Variants in RBPJ observed in about 807,000 individuals in gnomAD.
RBPJ encodes the protein recombination signal binding protein for immunoglobulin kappa J region.
A neutral mutation model predicts 67.8 loss-of-function variants in RBPJ; 9 were observed. The ratio of observed to expected loss-of-function variants is 0.13; its 90% confidence interval spans 0.08 to 0.23. RBPJ has a LOEUF of 0.23. Ranked by LOEUF, RBPJ falls within the 10% of genes least tolerant of loss-of-function variation. The pLI is 1.00. For missense variants in RBPJ, 305 were observed against 595.6 expected, an observed-to-expected ratio of 0.51 and a Z score of 5.08; for synonymous variants, 198 against 203.3, an observed-to-expected ratio of 0.97 and a Z score of 0.22.
In RBPJ at chr4:26,393,799, T is replaced by C. The variant is rs147963766; in HGVS notation, c.59+7408T>C. On this transcript the variant is annotated intron_variant, in intron 2 of 10. Coordinates refer to ENST00000355476, the MANE Select transcript of RBPJ (RefSeq NM_015874.6). ...AATATTTTAACATTTTTTCTCTCCA[T>C]TGGGGTGCAGAGAGTTTAAAATTGG... is the stretch of plus-strand genomic sequence containing the variant. 7.6e-4 allele frequency among the ~76,000 whole-genome samples: 116 copies of C among 152,230 alleles called. 2 individuals are homozygous for C. The East Asian group carries it at 0.02, about 26-fold the overall frequency.
At chr4:26,210,747 C>CT (rs1718379386) in intron 1 of RBPJ, among the ~76,000 whole-genome samples, 1 of 123,244 alleles carries the variant, frequency 8.1e-6, no homozygotes, top group South Asian at 2.8e-4. Flanking sequence ...TTCTTTCCTT[C>CT]TTTCCTTCTT....
chr4:26,249,191 T>A (rs893775504), intron 1 of RBPJ, among the ~76,000 whole-genome samples: 5 of 152,206 alleles, frequency 3.3e-5, no homozygotes, highest in African/African-American at 4.8e-5. Flanking sequence ...ATGACTTTTT[T>A]AAGAAGTCTC....
At chr4:26,343,205 A>G (rs1725730268) in intron 1 of RBPJ, 1 of 152,178 alleles carries the variant, frequency 6.6e-6, no homozygotes, top group African/African-American at 2.4e-5. Flanking sequence ...GACGGCACAA[A>G]CTGAGAGTTT....
At chr4:26,192,809 G>T (rs541951584) in intron 1 of RBPJ, among the ~76,000 whole-genome samples, 2 of 152,224 alleles carry the variant, frequency 1.3e-5, no homozygotes, top group African/African-American at 2.4e-5. Flanking sequence ...TAATAGGCAG[G>T]ATAACAGCCC....
At chr4:26,301,690 A>C (rs1025888807) in intron 1 of RBPJ, among the ~76,000 whole-genome samples, 1 of 152,192 alleles carries the variant, frequency 6.6e-6, no homozygotes, top group Non-Finnish European at 1.5e-5. Context: ...TTTCAATAAA[A>C]AGCAGTTTTG....
At chr4:26,249,676 A>G (rs1720036900) in intron 1 of RBPJ, among the ~76,000 whole-genome samples, 1 of 152,172 alleles carries the variant, frequency 6.6e-6, no homozygotes, top group African/African-American at 2.4e-5. Context: ...CACAAAAAGT[A>G]ATGGCAAAAA....
chr4:26,223,635 C>G (rs903158415), intron 1 of RBPJ, among the ~76,000 whole-genome samples: 1 of 152,184 alleles, frequency 6.6e-6, no homozygotes, highest in Non-Finnish European at 1.5e-5. Flanking sequence ...GCTGGGCTGG[C>G]TGACCAAGGG....
chr4:26,320,714 C>T (rs1490334629), upstream of RBPJ: 35 of 1,544,262 alleles, frequency 2.3e-5, no homozygotes, highest in African/African-American at 2.7e-5. Flanking sequence ...CACGTACGTC[C>T]CTCAAAGCGC....
intron 4 of RBPJ, among the ~76,000 whole-genome samples, chr4:26,417,989 T>TA (rs754052097): frequency 6.6e-6 from 1 of 152,234 alleles, no homozygotes; most frequent in Non-Finnish European, 1.5e-5. Context: ...TTTAATTTGT[T>TA]AAAAAAATTT....
At chr4:26,191,253 A>G (rs1560204267) in intron 1 of RBPJ, among the ~76,000 whole-genome samples, 3 of 131,884 alleles carry the variant, frequency 2.3e-5, no homozygotes, top group African/African-American at 9.0e-5. Flanking sequence ...AGAGAGAGAG[A>G]GAGGGAGAGA....
chr4:26,317,462 A>AG (rs898167031), upstream of RBPJ, among the ~76,000 whole-genome samples: 4 of 152,048 alleles, frequency 2.6e-5, no homozygotes, highest in Admixed American at 6.6e-5. Flanking sequence ...CAGATAGATC[A>AG]GGGGGGGTTT....
intron 1 of RBPJ, among the ~76,000 whole-genome samples, chr4:26,180,938 C>T (rs1716962051): frequency 6.6e-6 from 1 of 152,160 alleles, no homozygotes; most frequent in Non-Finnish European, 1.5e-5. Flanking sequence ...ATTTCCCATG[C>T]TGTTCTCAAG....
chr4:26,109,411 CCTCTCTCTCTCTCCCTCTCTCT>C, the RBPJ span, among the ~76,000 whole-genome samples: 3,676 of 48,632 alleles, frequency 0.076, 606 homozygotes, highest in Non-Finnish European at 0.094. Context: ...TGTCCACCTT[CCTCTCTCTCTCTCCCTCTCTCT>C]CTCTCTCTCT....
chr4:26,188,937 T>C (rs1376069951), intron 1 of RBPJ, among the ~76,000 whole-genome samples: 1 of 152,240 alleles, frequency 6.6e-6, no homozygotes, highest in Non-Finnish European at 1.5e-5. Context: ...TGATTTGCAA[T>C]AAAATGATAC....
chr4:26,231,810 A>C (rs1560220948), intron 1 of RBPJ, among the ~76,000 whole-genome samples: 1 of 151,648 alleles, frequency 6.6e-6, no homozygotes, highest in Non-Finnish European at 1.5e-5. Context: ...CAGCCTCCCA[A>C]AATGCTGGGA....
intron 1 of RBPJ, among the ~76,000 whole-genome samples, chr4:26,203,349 A>G (rs995663824): frequency 2.0e-5 from 3 of 151,654 alleles, no homozygotes; most frequent in African/African-American, 7.3e-5. Context: ...TCATTTCCTC[A>G]CCTTCCTCAT....
At chr4:26,276,351 G>T (rs1721085062) in intron 1 of RBPJ, among the ~76,000 whole-genome samples, 2 of 151,834 alleles carry the variant, frequency 1.3e-5, no homozygotes, top group South Asian at 4.2e-4. Context: ...TACTTTTAAG[G>T]TCTCTGATTT....
intron 1 of RBPJ, among the ~76,000 whole-genome samples, chr4:26,192,193 A>T (rs963196644): frequency 6.6e-6 from 1 of 152,030 alleles, no homozygotes; most frequent in African/African-American, 2.4e-5. Context: ...TTTTTAGTAG[A>T]GACAGGGTTT....
At chr4:26,215,017 A>G (rs1718631331) in intron 1 of RBPJ, among the ~76,000 whole-genome samples, 1 of 65,914 alleles carries the variant, frequency 1.5e-5, no homozygotes, top group Non-Finnish European at 3.0e-5. Flanking sequence ...GGAAGGAGAG[A>G]AAGAAAGAAA....
Sources: gnomAD v4.1 joint callset for allele counts (sites outside exome capture counted in the v4.1 genomes callset) on GRCh38, gnomAD v4.1.1 for gene constraint, MANE v1.5 for transcripts, NCBI Gene and HGNC (gene_info 2026-07-23, HGNC 2026-07-21) for gene names.